Variants in DOCK4 observed in about 807,000 individuals in gnomAD.
DOCK4 encodes dedicator of cytokinesis 4.
Under a neutral mutation model 268.1 loss-of-function variants are expected in DOCK4, and 97 were observed. The ratio of observed to expected loss-of-function variants is 0.36; its 90% CI spans 0.31 to 0.43. The LOEUF is 0.43. DOCK4 is among the 20% of genes least tolerant of loss of function. DOCK4 has a pLI of 1.00. For synonymous variants in DOCK4, 954 were observed against 887.2 expected, an observed-to-expected ratio of 1.08 and a Z score of -1.34; for missense variants, 2,145 against 2,455.7, an observed-to-expected ratio of 0.87 and a Z score of 2.67.
At chr7:111,748,358 A>C (rs1281441269) in intron 42 of DOCK4, among the ~76,000 whole-genome samples, 2 of 152,186 alleles carry the variant, frequency 1.3e-5, no homozygotes. Context: ...AGATTTTGTA[A>C]CATGTGTAAC....
At chr7:112,139,145 C>T (rs1814651260) in intron 1 of DOCK4, among the ~76,000 whole-genome samples, 1 of 152,150 alleles carries the variant, frequency 6.6e-6, no homozygotes, top group Non-Finnish European at 1.5e-5. Flanking sequence ...CCGGTAGCTT[C>T]AACAGTCGCT....
At chr7:112,170,107 G>A (rs1423948590) in intron 1 of DOCK4, among the ~76,000 whole-genome samples, 5 of 151,936 alleles carry the variant, frequency 3.3e-5, no homozygotes, top group African/African-American at 7.3e-5. Context: ...ATAAGTGATC[G>A]TCTTATGACA....
rs1356358061 is a variant in DOCK4, at chr7:111,728,101, T to A, written c.*173A>T. ...CATACTTCATTTAACATCTGGCGTT[T>A]TAGATCAGCAACTTTTAATATTGTG... On this transcript the variant is annotated 3_prime_UTR_variant, in exon 53 of 53. Transcript: ENST00000428084. The A allele has an allele frequency of 6.2e-6, 3 of 480,638 alleles. No homozygotes were observed. Among genetic ancestry groups the A allele is most frequent in the African/African-American group, 6.0e-5 (3 of 49,954 alleles). The allele number at this position is 480,638 out of a possible 1,614,324, so 29.8% of individuals were successfully genotyped here.
intron 23 of DOCK4, among the ~76,000 whole-genome samples, chr7:111,858,810 CT>C (rs1196539154): frequency 6.7e-6 from 1 of 149,514 alleles, no homozygotes; most frequent in African/African-American, 2.6e-5. Context: ...CCTTCCCTCC[CT>C]TCCTTCCTTC....
intron 23 of DOCK4, 171 bp downstream of exon 23, chr7:111,863,201 T>C: frequency 1.5e-6 from 1 of 659,016 alleles, no homozygotes; most frequent in South Asian, 1.9e-5. Flanking sequence ...AAAGTTTTAA[T>C]TGCCATACTT....
chr7:111,795,680 C>G (rs1279549329), intron 30 of DOCK4, among the ~76,000 whole-genome samples: 1 of 152,166 alleles, frequency 6.6e-6, no homozygotes, highest in Non-Finnish European at 1.5e-5. Flanking sequence ...ATTAGTGGAG[C>G]TCTGCTATAG....
chr7:112,057,731 C>T (rs1443787038), intron 1 of DOCK4, among the ~76,000 whole-genome samples: 3 of 151,976 alleles, frequency 2.0e-5, no homozygotes, highest in Admixed American at 2.0e-4. Context: ...GCTATGATCA[C>T]ATCACTGCAC....
intron 1 of DOCK4, among the ~76,000 whole-genome samples, chr7:112,137,392 T>G (rs1814463516): frequency 6.6e-6 from 1 of 152,176 alleles, no homozygotes; most frequent in Admixed American, 6.5e-5. Context: ...CTCCACAGCT[T>G]GAGAGGTTGC....
chr7:111,969,210 T>TA (rs544019193), intron 8 of DOCK4, among the ~76,000 whole-genome samples: 2,272 of 98,086 alleles, frequency 0.023, 33 homozygotes, highest in African/African-American at 0.064. Flanking sequence ...TAGAGTATAA[T>TA]AAAAAAAAAA....
At chr7:112,019,472 C>T (rs1050647824) in intron 1 of DOCK4, among the ~76,000 whole-genome samples, 3 of 151,966 alleles carry the variant, frequency 2.0e-5, no homozygotes, top group African/African-American at 4.8e-5. Context: ...ATTAATAATA[C>T]GTGTTAATGT....
rs1264163728 is a variant in DOCK4 at position 111,778,351 on chromosome 7, G to C, written c.3604C>G (p.Leu1202Val). The C allele has an allele frequency of 4.3e-6, 7 of 1,610,980 alleles. No homozygotes were observed. The highest frequency in any genetic ancestry group is 5.9e-6 in the Non-Finnish European group (7 of 1,177,714). The stretch of plus-strand genomic sequence containing the variant: ...CGTATATACATCTCCTCCTTGTTCA[G>C]TTCAGTCTTATAGAAGTTCTGTAAA... The part of the protein sequence containing the change: ...VSLLNFYKTE[L>V]NKEEMYIRYI... The change falls in exon 36 of 53, where the codon CTG becomes GTG. Residue 1202 changes from leucine (L) to valine (V), a missense_variant. Leu to Val is a conservative substitution (Grantham distance 32, BLOSUM62 1). Transcript: ENST00000428084.
At chr7:111,785,579 T>C (rs996793982) in intron 32 of DOCK4, among the ~76,000 whole-genome samples, 3 of 152,180 alleles carry the variant, frequency 2.0e-5, no homozygotes, top group African/African-American at 7.2e-5. Flanking sequence ...CAAGACCAAA[T>C]GTTAGGACTG....
chr7:111,829,150 C>T (rs1802622382), intron 26 of DOCK4, among the ~76,000 whole-genome samples: 1 of 152,096 alleles, frequency 6.6e-6, no homozygotes, highest in Non-Finnish European at 1.5e-5. Flanking sequence ...AATGTACATA[C>T]AAAACCCCAA....
At chr7:111,969,170 C>A (rs1797484721) in intron 8 of DOCK4, among the ~76,000 whole-genome samples, 1 of 140,980 alleles carries the variant, frequency 7.1e-6, no homozygotes, top group Non-Finnish European at 1.5e-5. Context: ...TGTAACTAAC[C>A]TGCACAATGT....
intron 1 of DOCK4, among the ~76,000 whole-genome samples, chr7:112,121,955 C>T (rs182831220): frequency 1.3e-5 from 2 of 152,258 alleles, no homozygotes; most frequent in East Asian, 3.9e-4. Flanking sequence ...TTTCTCCAGT[C>T]ACTTCTATAA....
intron 1 of DOCK4, among the ~76,000 whole-genome samples, chr7:112,069,537 G>C (rs1218854565): frequency 5.9e-5 from 9 of 152,282 alleles, no homozygotes; most frequent in Admixed American, 3.9e-4. Flanking sequence ...CAAAGACAAT[G>C]GTACCCACCT....
chr7:111,811,361 A>G (rs1285703547), intron 28 of DOCK4, among the ~76,000 whole-genome samples: 2 of 152,164 alleles, frequency 1.3e-5, no homozygotes, highest in Admixed American at 1.3e-4. Flanking sequence ...TTTGTTTGCT[A>G]TTTATCACTT....
At chr7:111,824,560 G>A (rs1802252913) in intron 26 of DOCK4, among the ~76,000 whole-genome samples, 1 of 152,060 alleles carries the variant, frequency 6.6e-6, no homozygotes, top group African/African-American at 2.4e-5. Context: ...AGTGGTAGTG[G>A]TGGTGTGTAT....
intron 1 of DOCK4, among the ~76,000 whole-genome samples, chr7:112,024,579 T>C (rs1441968957): frequency 6.6e-6 from 1 of 152,146 alleles, no homozygotes; most frequent in Admixed American, 6.6e-5. Flanking sequence ...ATCTGGCTAT[T>C]TCTTGCCCCT....
Sources: allele counts gnomAD v4.1 joint callset (sites outside exome capture counted in the v4.1 genomes callset), GRCh38; gene constraint gnomAD v4.1.1; transcripts MANE v1.5; gene names NCBI Gene and HGNC (gene_info 2026-07-23, HGNC 2026-07-21).